The following TMEM132D variants were observed in gnomAD, a reference collection of about 807,000 sequenced individuals.
TMEM132D encodes mature OL transmembrane protein.
TMEM132D carries 21 observed loss-of-function variants against 62.3 expected under a neutral mutation model. The ratio of observed to expected loss-of-function variants is 0.34; its 90% CI spans 0.24 to 0.49. TMEM132D has a LOEUF of 0.49. TMEM132D is among the 20% of genes least tolerant of loss of function. TMEM132D has a pLI of 0.99. For synonymous variants in TMEM132D, 621 were observed against 575.6 expected, an observed-to-expected ratio of 1.08 and a Z score of -1.13; for missense variants, 1,346 against 1,402.8, an observed-to-expected ratio of 0.96 and a Z score of 0.65.
chr12:129,138,738 G>T (rs1876656821), intron 5 of TMEM132D, among the ~76,000 whole-genome samples: 4 of 152,164 alleles, frequency 2.6e-5, no homozygotes, highest in Admixed American at 2.6e-4. Flanking sequence ...AAGCTGGCTA[G>T]AACTTTTTTG....
In TMEM132D at chr12:129,191,292, G is replaced by GACACACACACAC. The variant is rs56128227; in HGVS notation, c.1443+18216_1443+18227dup. On this transcript the variant is annotated intron_variant, in intron 5 of 8. Coordinates refer to ENST00000422113, the MANE Select transcript of TMEM132D (RefSeq NM_133448.3). ...GAAAAGACACAGAGAAGGGAAATAGGACACACACACACACACACACACACA... is the reference window on the plus strand; with the variant it reads ...GAAAAGACACAGAGAAGGGAAATAGGACACACACACACACACACACACACACACACACACACA... Among the ~76,000 whole-genome samples, 309 of 145,222 alleles carry GACACACACACAC rather than the reference G, an allele frequency of 2.1e-3. 1 individual carries two copies. The highest frequency in any genetic ancestry group is 0.017 in the Middle Eastern group (5 of 292).
intron 4 of TMEM132D, among the ~76,000 whole-genome samples, chr12:129,320,107 AG>A (rs1031379902): frequency 3.2e-4 from 48 of 152,320 alleles, no homozygotes; most frequent in African/African-American, 1.1e-3. Context: ...CTTTCCAAAA[AG>A]AGTCACAGAG....
intron 1 of TMEM132D, among the ~76,000 whole-genome samples, chr12:129,836,508 G>A (rs2137339321): frequency 6.6e-6 from 1 of 152,046 alleles, no homozygotes; most frequent in East Asian, 1.9e-4. Context: ...GTGTGTGTGT[G>A]TGTGTGTGCG....
intron 1 of TMEM132D, among the ~76,000 whole-genome samples, chr12:129,820,532 T>G (rs1019529064): frequency 6.6e-6 from 1 of 152,136 alleles, no homozygotes. Flanking sequence ...AGTGGAGTGT[T>G]CCTAATCAGA....
At chr12:129,478,477 T>G (rs1314883129) in intron 3 of TMEM132D, among the ~76,000 whole-genome samples, 2 of 152,238 alleles carry the variant, frequency 1.3e-5, no homozygotes, top group Non-Finnish European at 2.9e-5. Flanking sequence ...ACTACATATG[T>G]AGACTCAAGG....
intron 3 of TMEM132D, among the ~76,000 whole-genome samples, chr12:129,450,765 T>C (rs1593014041): frequency 1.4e-5 from 2 of 143,632 alleles, no homozygotes; most frequent in East Asian, 4.1e-4. Flanking sequence ...TTTTTTTTTT[T>C]TTTTTTTTTG....
Position 129,073,852 on chromosome 12 carries a change from A to C in TMEM132D, c.*23T>G. 1 of 1,513,950 alleles carries C rather than the reference A, an allele frequency of 6.6e-7. No individual in the cohort carries two copies. Among genetic ancestry groups the C allele is most frequent in the Admixed American group, 2.3e-5 (1 of 44,404 alleles). 93.8% of individuals were successfully genotyped at this position (1,513,950 alleles called of 1,614,324 possible). On this transcript the variant is annotated 3_prime_UTR_variant, in exon 9 of 9. Transcript: ENST00000422113. ...ATTAAAGGCTGAAAGGTGAGTGAGAACCAATGTCTGTGTGTGTCTGGCTTA... is the reference window on the plus strand; with the variant it reads ...ATTAAAGGCTGAAAGGTGAGTGAGACCCAATGTCTGTGTGTGTCTGGCTTA...
intron 3 of TMEM132D, among the ~76,000 whole-genome samples, chr12:129,489,628 C>T (rs1874700788): frequency 6.6e-6 from 1 of 152,254 alleles, no homozygotes; most frequent in Admixed American, 6.5e-5. Flanking sequence ...CCTGAGAGAC[C>T]ATTTGAGGAA....
chr12:129,672,347 T>C (rs1338086865), intron 2 of TMEM132D, among the ~76,000 whole-genome samples: 3 of 152,226 alleles, frequency 2.0e-5, no homozygotes, highest in Non-Finnish European at 4.4e-5. Context: ...ATGTGAAGGA[T>C]GGCAGAGCCC....
chr12:129,556,663 T>C (rs1222084180), intron 2 of TMEM132D, among the ~76,000 whole-genome samples: 1 of 152,250 alleles, frequency 6.6e-6, no homozygotes, highest in Non-Finnish European at 1.5e-5. Context: ...CTTATTTGCA[T>C]ACATCTGGGA....
At chr12:129,882,709 A>G (rs760326329) in intron 1 of TMEM132D, among the ~76,000 whole-genome samples, 10 of 152,166 alleles carry the variant, frequency 6.6e-5, no homozygotes, top group Non-Finnish European at 1.5e-4. Context: ...TATGTACACC[A>G]TAAATATGTA....
intron 3 of TMEM132D, among the ~76,000 whole-genome samples, chr12:129,380,892 T>C (rs1371554963): frequency 6.6e-6 from 1 of 152,266 alleles, no homozygotes; most frequent in Non-Finnish European, 1.5e-5. Flanking sequence ...AGCTGTTGCA[T>C]ACATCATTAG....
At chr12:129,283,565 T>C (rs1203193107) in intron 4 of TMEM132D, among the ~76,000 whole-genome samples, 1 of 152,204 alleles carries the variant, frequency 6.6e-6, no homozygotes, top group African/African-American at 2.4e-5. Context: ...AACATATCTC[T>C]ACTGAATTTT....
chr12:129,143,963 C>G (rs1443378822), intron 5 of TMEM132D, among the ~76,000 whole-genome samples: 1 of 152,126 alleles, frequency 6.6e-6, no homozygotes, highest in Admixed American at 6.5e-5. Context: ...ATTCCCTGGA[C>G]CATTCTTGGA....
At chr12:129,503,397 C>T (rs1485590820) in intron 3 of TMEM132D, among the ~76,000 whole-genome samples, 2 of 151,972 alleles carry the variant, frequency 1.3e-5, no homozygotes, top group Non-Finnish European at 2.9e-5. Context: ...GTTTAGGGGA[C>T]TGGGTGTTGG....
At chr12:129,099,802 C>CTTTATTTTTT (rs1012569187) in intron 5 of TMEM132D, among the ~76,000 whole-genome samples, 2 of 127,666 alleles carry the variant, frequency 1.6e-5, no homozygotes, top group Non-Finnish European at 3.2e-5. Flanking sequence ...GCGAAACCCA[C>CTTTATTTTTT]TTTATTTTTT....
intron 5 of TMEM132D, among the ~76,000 whole-genome samples, chr12:129,098,837 G>A (rs1875197342): frequency 1.3e-5 from 2 of 152,126 alleles, no homozygotes; most frequent in Non-Finnish European, 2.9e-5. Flanking sequence ...TTGACATGCT[G>A]AACTGAATAA....
At chr12:129,075,481 A>G (rs1458706390) in intron 8 of TMEM132D, among the ~76,000 whole-genome samples, 1 of 152,214 alleles carries the variant, frequency 6.6e-6, no homozygotes, top group Non-Finnish European at 1.5e-5. Context: ...TATTTATTAC[A>G]TTATTTTTAA....
intron 4 of TMEM132D, among the ~76,000 whole-genome samples, chr12:129,262,007 G>A (rs1050965627): frequency 6.6e-6 from 1 of 152,112 alleles, no homozygotes; most frequent in African/African-American, 2.4e-5. Flanking sequence ...ATGTCAAGTG[G>A]AGGCATCATT....
Sources: allele counts gnomAD v4.1 joint callset (sites outside exome capture counted in the v4.1 genomes callset), GRCh38; gene constraint gnomAD v4.1.1; transcripts MANE v1.5; gene names NCBI Gene and HGNC (gene_info 2026-07-23, HGNC 2026-07-21).